The following COA8 variants were observed in gnomAD, a reference collection of about 807,000 sequenced individuals.
COA8 encodes UPF0671 protein C14orf153.
Under a neutral mutation model 22.0 loss-of-function variants are expected in COA8, and 20 were observed. The observed-to-expected ratio is 0.91, with a 90% CI of 0.64 to 1.32. The LOEUF (loss-of-function observed/expected upper bound fraction) is 1.32. Ranked by LOEUF, COA8 falls within the 40% of genes most tolerant of loss-of-function variation. COA8 has a pLI of 0.00. For missense variants in COA8, 266 were observed against 230.0 expected, an observed-to-expected ratio of 1.16 and a Z score of -1.01; for synonymous variants, 105 against 79.9, an observed-to-expected ratio of 1.31 and a Z score of -1.68.
chr14:103,585,021 C>A (rs915986404), intron 3 of COA8, among the ~76,000 whole-genome samples: 15 of 151,976 alleles, frequency 9.9e-5, no homozygotes, highest in South Asian at 2.1e-4. Flanking sequence ...GCCTGTAATC[C>A]CAGCTACTCA....
intron 3 of COA8, among the ~76,000 whole-genome samples, chr14:103,587,036 C>T (rs1022136860): frequency 3.9e-5 from 6 of 152,100 alleles, no homozygotes; most frequent in African/African-American, 1.2e-4. Context: ...ACATCTTACA[C>T]GTCTCCTCTC....
chr14:103,582,380 CTT>C (rs1443972118), intron 3 of COA8, among the ~76,000 whole-genome samples: 3 of 151,836 alleles, frequency 2.0e-5, no homozygotes, highest in African/African-American at 7.3e-5. Flanking sequence ...TCCTACCTCT[CTT>C]GCGTGTGGGT....
intron 3 of COA8, among the ~76,000 whole-genome samples, chr14:103,577,125 C>T (rs947225276): frequency 1.3e-5 from 2 of 152,164 alleles, no homozygotes; most frequent in African/African-American, 4.8e-5. Context: ...GGCTGGAGTG[C>T]AGTGGCGTGA....
At chr14:103,586,221 T>C (rs1173484067) in intron 3 of COA8, among the ~76,000 whole-genome samples, 2 of 147,366 alleles carry the variant, frequency 1.4e-5, no homozygotes, top group African/African-American at 5.1e-5. Flanking sequence ...TTTTTTTTTT[T>C]TAACGAGACA....
intron 3 of COA8, among the ~76,000 whole-genome samples, chr14:103,577,631 C>A (rs2076238581): frequency 6.6e-6 from 1 of 152,054 alleles, no homozygotes; most frequent in Non-Finnish European, 1.5e-5. Context: ...GTAATCCCAC[C>A]ACTTTGTGAG....
At chr14:103,585,645 G>A (rs1208954501) in intron 3 of COA8, among the ~76,000 whole-genome samples, 3 of 138,476 alleles carry the variant, frequency 2.2e-5, no homozygotes, top group Middle Eastern at 8.1e-3. Context: ...GTGTGAACTC[G>A]GCTCACTGCA....
chr14:103,589,909 G>A (rs1264678193), intron 4 of COA8, among the ~76,000 whole-genome samples: 4 of 151,338 alleles, frequency 2.6e-5, no homozygotes, highest in Admixed American at 1.3e-4. Context: ...CCGAGACTCC[G>A]TCTCAAAAAA....
chr14:103,579,832 G>A (rs865968701), intron 3 of COA8, among the ~76,000 whole-genome samples: 87 of 150,950 alleles, frequency 5.8e-4, no homozygotes, highest in African/African-American at 1.9e-3. Flanking sequence ...ACGTGGTGGC[G>A]TATGCCTGTA....
At chr14:103,580,183 C>G (rs1357680709) in intron 3 of COA8, among the ~76,000 whole-genome samples, 1 of 151,866 alleles carries the variant, frequency 6.6e-6, no homozygotes, top group African/African-American at 2.4e-5. Flanking sequence ...CTCAAGCCAT[C>G]CTCCTGCCTC....
rs1347842864 is a variant in COA8 at position 103,581,793 on chromosome 14, G to A, written c.386-5481G>A. The stretch of plus-strand genomic sequence containing the variant: ...TTCCGGTGGCACTAGACCTGCCCGG[G>A]CGGCCAGAGGACACGTGGCTCCTGT... On this transcript the variant is annotated intron_variant, in intron 3 of 4. Transcript: ENST00000409074. The surrounding 1 kb of genome is among the most constrained non-coding windows in gnomAD (Gnocchi z 4.1). 1.0e-5 allele frequency: 4 copies of A among 393,896 alleles called. No homozygotes were observed. The highest frequency in any genetic ancestry group is 1.8e-5 in the Non-Finnish European group (4 of 223,708). The allele number at this position is 393,896 out of a possible 1,614,324, so 24.4% of individuals were successfully genotyped here. A position where few individuals can be genotyped will look rare whatever the true frequency, so the allele number is the denominator to read the frequency against.
intron 2 of COA8, among the ~76,000 whole-genome samples, 166 bp downstream of exon 2, chr14:103,571,986 G>A (rs1350704726): frequency 6.6e-6 from 1 of 152,112 alleles, no homozygotes; most frequent in East Asian, 1.9e-4. Context: ...AATTAGCCCG[G>A]CGTGGTGGCG....
At chr14:103,579,063 G>C (rs1178682893) in intron 3 of COA8, among the ~76,000 whole-genome samples, 1 of 152,182 alleles carries the variant, frequency 6.6e-6, no homozygotes, top group Non-Finnish European at 1.5e-5. Context: ...GACCAGGCTG[G>C]CCTCAAGCAG....
intron 1 of COA8, among the ~76,000 whole-genome samples, chr14:103,563,673 CT>C (rs1336254277): frequency 6.6e-6 from 1 of 152,106 alleles, no homozygotes; most frequent in Non-Finnish European, 1.5e-5. Context: ...ATAAGTGGTA[CT>C]TTTGGGAGGG....
chr14:103,589,365 G>C (rs1015611756), intron 4 of COA8, among the ~76,000 whole-genome samples: 3 of 152,194 alleles, frequency 2.0e-5, no homozygotes, highest in African/African-American at 7.2e-5. Flanking sequence ...TGCAGGTGGA[G>C]AGGAACTTTC....
At chr14:103,575,902 C>T (rs1234096678) in intron 3 of COA8, among the ~76,000 whole-genome samples, 6 of 152,082 alleles carry the variant, frequency 3.9e-5, no homozygotes, top group East Asian at 3.9e-4. Flanking sequence ...GGAGTTTTGC[C>T]GTGTTGCCCA....
rs750359122 is a variant in COA8, at chr14:103,563,059, G to T, written c.58G>T (p.Ala20Ser). The T allele has an allele frequency of 1.3e-6, 2 of 1,538,308 alleles. No homozygotes were observed. Residue 20 changes from alanine (A) to serine (S), a missense_variant, in exon 1 of 5, where the codon GCC (alanine) becomes TCC (serine). Coordinates refer to ENST00000409074, the MANE Select transcript of COA8 (RefSeq NM_001370595.2). ...TCTCCCCCCTCTCTGCCGCGCCTTCGCCTGCCGCGGCTGTCAACTCGCTCC... is the reference window on the plus strand; with the variant it reads ...TCTCCCCCCTCTCTGCCGCGCCTTCTCCTGCCGCGGCTGTCAACTCGCTCC... ...TFLPPLCRAF[A>S]CRGCQLAPER...
At chr14:103,566,505 T>C (rs972198852) in intron 1 of COA8, among the ~76,000 whole-genome samples, 2 of 152,254 alleles carry the variant, frequency 1.3e-5, no homozygotes, top group Non-Finnish European at 1.5e-5. Context: ...AACCGTGTCC[T>C]GTATTGTGGT....
At chr14:103,580,953 C>T (rs775187409) in intron 3 of COA8, among the ~76,000 whole-genome samples, 5 of 152,094 alleles carry the variant, frequency 3.3e-5, no homozygotes, top group Non-Finnish European at 5.9e-5. Context: ...TGTGCCACCA[C>T]GCCCGGCTAA....
intron 1 of COA8, among the ~76,000 whole-genome samples, chr14:103,570,172 A>AT (rs1343117352): frequency 6.6e-6 from 1 of 151,928 alleles, no homozygotes; most frequent in Non-Finnish European, 1.5e-5. Context: ...TGTAGGTTTT[A>AT]TTTTTTTAAT....
Sources: gnomAD v4.1 joint callset for allele counts (sites outside exome capture counted in the v4.1 genomes callset) on GRCh38, gnomAD v4.1.1 for gene constraint, Gnocchi (gnomAD v3.1) non-coding constraint, MANE v1.5 for transcripts, NCBI Gene and HGNC (gene_info 2026-07-23, HGNC 2026-07-21) for gene names.